Variants in SNX6 observed in about 807,000 individuals in gnomAD.
The protein encoded by SNX6 is sorting nexin 6, also known as sorting nexin-6.
A neutral mutation model predicts 63.0 loss-of-function variants in SNX6; 34 were observed. The ratio of observed to expected loss-of-function variants is 0.54; its 90% CI spans 0.41 to 0.72. The LOEUF (loss-of-function observed/expected upper bound fraction) is 0.72. SNX6 is among the 30% of genes least tolerant of loss of function. SNX6 has a pLI of 0.00. For synonymous variants in SNX6, 170 were observed against 164.2 expected (o/e 1.04, Z -0.27); for missense variants, 398 against 471.4 (o/e 0.84, Z 1.44).
At chr14:34,626,098 A>G (rs570114437) in intron 2 of SNX6, among the ~76,000 whole-genome samples, 1 of 152,302 alleles carries the variant, frequency 6.6e-6, no homozygotes, top group East Asian at 1.9e-4. Flanking sequence ...ATGATGAAAT[A>G]TAATGAAATA....
intron 3 of SNX6, among the ~76,000 whole-genome samples, chr14:34,608,755 C>T (rs958794261): frequency 3.3e-5 from 5 of 152,074 alleles, no homozygotes; most frequent in Admixed American, 6.6e-5. Context: ...TGGCTGGGCA[C>T]GGTGGCTCAC....
intron 8 of SNX6, among the ~76,000 whole-genome samples, chr14:34,589,444 C>CT (rs1176781478): frequency 6.6e-6 from 1 of 152,104 alleles, no homozygotes; most frequent in Non-Finnish European, 1.5e-5. Flanking sequence ...GAATGAGACT[C>CT]TGTCTCACAA....
chr14:34,622,927 A>G (rs2138387467), intron 2 of SNX6, among the ~76,000 whole-genome samples: 1 of 152,292 alleles, frequency 6.6e-6, no homozygotes, highest in South Asian at 2.1e-4. Context: ...TTTATATGGA[A>G]AGTCCCTGAC....
At chr14:34,570,554 G>A (rs1881400653) in intron 11 of SNX6, among the ~76,000 whole-genome samples, 1 of 151,106 alleles carries the variant, frequency 6.6e-6, no homozygotes, top group South Asian at 2.1e-4. Flanking sequence ...CCAAGTAGCT[G>A]GGATTACAGG....
At position 34,564,114 on chromosome 14, in the gene SNX6, G is replaced by A. The variant is rs143478014; in HGVS notation, c.1168-939C>T. Among the ~76,000 whole-genome samples, 935 of 152,194 alleles carry A rather than the reference G, an allele frequency of 6.1e-3. 3 individuals are homozygous for A. The highest frequency in any genetic ancestry group is 0.021 in the African/African-American group (885 of 41,518). On this transcript the variant is annotated intron_variant, in intron 13 of 13. Coordinates refer to ENST00000362031, the MANE Select transcript of SNX6 (RefSeq NM_152233.4). ...ATGATCTTGGCTCAGTGCAACCTCTGCCTCCCGGGTTCAAGCGATCCTTCT... is the reference window on the plus strand; with the variant it reads ...ATGATCTTGGCTCAGTGCAACCTCTACCTCCCGGGTTCAAGCGATCCTTCT...
intron 4 of SNX6, 112 bp from the exon 5 acceptor site, chr14:34,605,829 C>A: frequency 2.3e-6 from 3 of 1,317,534 alleles, no homozygotes; most frequent in Non-Finnish European, 2.0e-6. Flanking sequence ...CCAGAATGAG[C>A]TGAACACCAG....
chr14:34,606,066 C>T (rs982931288), intron 4 of SNX6, among the ~76,000 whole-genome samples: 2 of 151,414 alleles, frequency 1.3e-5, no homozygotes, highest in African/African-American at 2.4e-5. Flanking sequence ...CCCAGCGACT[C>T]GGGAGGCTGA....
chr14:34,565,100 A>T (rs1452862366), intron 13 of SNX6, among the ~76,000 whole-genome samples: 1 of 146,866 alleles, frequency 6.8e-6, no homozygotes, highest in African/African-American at 2.5e-5. Context: ...TTTTTGGAGA[A>T]GGAGTCTTGC....
chr14:34,570,761 T>A (rs1566464556), intron 11 of SNX6, among the ~76,000 whole-genome samples: 1 of 138,330 alleles, frequency 7.2e-6, no homozygotes, highest in Non-Finnish European at 1.5e-5. Flanking sequence ...TCTCACTGTG[T>A]CGCCCAGGCT....
chr14:34,595,434 G>T (rs545370051), intron 7 of SNX6, among the ~76,000 whole-genome samples: 1 of 152,300 alleles, frequency 6.6e-6, no homozygotes, highest in South Asian at 2.1e-4. Context: ...ACTGTGCCCG[G>T]CCACAGTTTT....
chr14:34,599,311 A>T (rs991247272), intron 6 of SNX6, among the ~76,000 whole-genome samples: 1 of 152,074 alleles, frequency 6.6e-6, no homozygotes, highest in Non-Finnish European at 1.5e-5. Context: ...TGCTCATTAT[A>T]ATCTAATCTC....
At chr14:34,571,678 T>C (rs1233731988) in intron 11 of SNX6, among the ~76,000 whole-genome samples, 1 of 152,154 alleles carries the variant, frequency 6.6e-6, no homozygotes, top group African/African-American at 2.4e-5. Context: ...AATATTATAA[T>C]GGTGGGCACA....
chr14:34,605,306 G>T (rs185593543), intron 5 of SNX6, among the ~76,000 whole-genome samples: 5 of 151,778 alleles, frequency 3.3e-5, no homozygotes, highest in Admixed American at 1.3e-4. Flanking sequence ...AAGACAGACT[G>T]GACCTTTTAC....
chr14:34,611,448 G>C (rs1883223689), intron 2 of SNX6, among the ~76,000 whole-genome samples: 1 of 150,938 alleles, frequency 6.6e-6, no homozygotes, highest in African/African-American at 2.4e-5. Context: ...CTTCACTCCA[G>C]CCTGGGCAAT....
chr14:34,624,790 G>A lies in SNX6; in HGVS notation c.54+5117C>T, dbSNP rs531795298. 7.3e-5 allele frequency among the ~76,000 whole-genome samples: 11 copies of A among 151,334 alleles called. No homozygotes were observed. The East Asian group carries it at 9.7e-4, about 13-fold the overall frequency. ...CAGCCTAGCGACAGAGCAAGACTCC[G>A]TCTAGGAAAAAAAAAAAAATTTTTT... On this transcript the variant is annotated intron_variant, in intron 2 of 13. Coordinates refer to ENST00000362031, the MANE Select transcript of SNX6 (RefSeq NM_152233.4).
intron 10 of SNX6, among the ~76,000 whole-genome samples, chr14:34,578,204 AAAACAAAC>A (rs570920447): frequency 6.6e-6 from 1 of 152,108 alleles, no homozygotes; most frequent in Non-Finnish European, 1.5e-5. Context: ...ACTCTGTCTC[AAAACAAAC>A]AAACAAACAA....
intron 4 of SNX6, among the ~76,000 whole-genome samples, chr14:34,607,189 A>G (rs1883052909): frequency 6.6e-6 from 1 of 152,328 alleles, no homozygotes; most frequent in South Asian, 2.1e-4. Context: ...AGGGAATGTA[A>G]CATACCCCAC....
rs752571406 is a variant in SNX6, at chr14:34,586,278, C to G, written c.746G>C (p.Gly249Ala). 5 of 1,605,966 alleles carry G rather than the reference C, an allele frequency of 3.1e-6. No individual in the cohort carries two copies. The highest frequency in any genetic ancestry group is 2.2e-5 in the East Asian group (1 of 44,712). Reference protein sequence around the residue: ...KSAADDYNRIGSSLYALGTQD... With the variant: ...KSAADDYNRIASSLYALGTQD... ...AGTTCCTAAAGCATATAATGAAGAA[C>G]CAATTCTATTGTAATCATCTGCAGC... The change falls in exon 9 of 14, where the codon GGT (glycine) becomes GCT (alanine). Residue 249 changes from glycine to alanine, a missense_variant. Transcript: ENST00000362031.
chr14:34,570,239 T>C (rs1233641544), intron 11 of SNX6, among the ~76,000 whole-genome samples: 1 of 151,936 alleles, frequency 6.6e-6, no homozygotes, highest in Non-Finnish European at 1.5e-5. Flanking sequence ...CTGGCTAATT[T>C]TGTATTTTTA....
Sources: gnomAD v4.1 joint callset for allele counts (sites outside exome capture counted in the v4.1 genomes callset) on GRCh38, gnomAD v4.1.1 for gene constraint, MANE v1.5 for transcripts, NCBI Gene and HGNC (gene_info 2026-07-23, HGNC 2026-07-21) for gene names.